CMSS1: variants seen among roughly 807,000 people sequenced by gnomAD.
CMSS1 encodes protein CMSS1.
CMSS1 carries 33 observed loss-of-function variants against 43.5 expected under a neutral mutation model. The observed-to-expected ratio is 0.76, with a 90% CI of 0.57 to 1.01. The LOEUF (loss-of-function observed/expected upper bound fraction) is 1.01, where lower values mean the gene tolerates loss of function less well. CMSS1 is among the 50% of genes least tolerant of loss of function. The pLI, the probability that CMSS1 is intolerant of heterozygous loss-of-function variation, is 0.00. For missense variants in CMSS1, 313 were observed against 326.4 expected (o/e 0.96, Z 0.32); for synonymous variants, 115 against 117.2 (o/e 0.98, Z 0.12).
intron 1 of CMSS1, among the ~76,000 whole-genome samples, chr3:99,926,496 T>A (rs1050187427): frequency 6.6e-6 from 1 of 152,202 alleles, no homozygotes; most frequent in Admixed American, 6.5e-5. Flanking sequence ...TAAGGAAAAT[T>A]CAAATCAACT....
chr3:99,849,884 T>C (rs1367890707), intron 1 of CMSS1: 1 of 1,611,802 alleles, frequency 6.2e-7, no homozygotes, highest in Non-Finnish European at 8.5e-7. Flanking sequence ...TCTTTCTCAA[T>C]TGCTTCCAAT....
At chr3:99,923,745 A>G (rs1236676551) in intron 1 of CMSS1, among the ~76,000 whole-genome samples, 1 of 151,914 alleles carries the variant, frequency 6.6e-6, no homozygotes, top group Admixed American at 6.6e-5. Flanking sequence ...CCCTTTCACA[A>G]TTTTCCATTT....
intron 1 of CMSS1, among the ~76,000 whole-genome samples, chr3:99,996,277 TAAC>T (rs1467978050): frequency 6.6e-6 from 1 of 152,160 alleles, no homozygotes; most frequent in Non-Finnish European, 1.5e-5. Context: ...TGCTAAAACA[TAAC>T]AAGAGTCACC....
intron 1 of CMSS1, among the ~76,000 whole-genome samples, chr3:100,110,636 A>G (rs530565455): frequency 1.3e-5 from 2 of 152,182 alleles, no homozygotes; most frequent in Non-Finnish European, 2.9e-5. Context: ...AGACAATACT[A>G]GCTATGTGGC....
chr3:100,167,716 T>C lies in CMSS1; in HGVS notation c.416-22T>C, dbSNP rs1345918831. 13 of 1,535,916 alleles carry C rather than the reference T, an allele frequency of 8.5e-6. No individual in the cohort carries two copies. The South Asian group carries it at 1.5e-4, about 18-fold the overall frequency. ...CCTGTTTTGCCATATTTCAAATAATTGTTTTCTGTTCTTTTTTCCAGTTTG... is the reference window on the plus strand; with the variant it reads ...CCTGTTTTGCCATATTTCAAATAATCGTTTTCTGTTCTTTTTTCCAGTTTG... On this transcript the variant is annotated intron_variant, in intron 5 of 9. Coordinates refer to ENST00000421999, the MANE Select transcript of CMSS1 (RefSeq NM_032359.4).
At chr3:99,905,029 C>T (rs1257998350) in intron 1 of CMSS1, among the ~76,000 whole-genome samples, 2 of 152,218 alleles carry the variant, frequency 1.3e-5, no homozygotes, top group African/African-American at 4.8e-5. Flanking sequence ...CTGACTTCAT[C>T]CTCTGCCACT....
At position 99,849,759 on chromosome 3, in the gene CMSS1, T is replaced by C. The variant is rs745924720; in HGVS notation, c.64+31716T>C. On this transcript the variant is annotated intron_variant, in intron 1 of 9. Transcript: ENST00000421999. ...CATCCTCAATGGCTTTCATGTCCTT[T>C]AGCTTCAGTTTCAGTCTTTCCACTT... The C allele has an allele frequency of 3.1e-6, 5 of 1,613,716 alleles. No homozygotes were observed. The African/African-American group carries it at 6.7e-5, about 22-fold the overall frequency.
chr3:100,120,631 C>G lies in CMSS1; in HGVS notation c.65-26342C>G, dbSNP rs140955175. ...CTTTAAAGACAAAACGTTGTCCTGT[C>G]TCTGTCGCTCAGGAACTCATAGTCT... On this transcript the variant is annotated intron_variant, in intron 1 of 9. Coordinates refer to ENST00000421999, the MANE Select transcript of CMSS1 (RefSeq NM_032359.4). Among the ~76,000 whole-genome samples the G allele has an allele frequency of 1.1e-4, 17 of 151,438 alleles. 1 individual carries two copies. In the East Asian group the frequency reaches 3.3e-3, roughly 29 times the overall value.
At chr3:99,850,513 T>C (rs1309506622) in intron 1 of CMSS1, 1 of 1,613,182 alleles carries the variant, frequency 6.2e-7, no homozygotes, top group African/African-American at 1.3e-5. Context: ...TTTTATGAGC[T>C]CTTCATCTTT....
intron 1 of CMSS1, among the ~76,000 whole-genome samples, chr3:100,101,818 T>C (rs1328604999): frequency 1.3e-5 from 2 of 152,052 alleles, no homozygotes; most frequent in Non-Finnish European, 2.9e-5. Context: ...CCCCTTCCTG[T>C]GTCCATGTGT....
At chr3:99,932,281 T>A (rs1363728651) in intron 1 of CMSS1, among the ~76,000 whole-genome samples, 1 of 152,196 alleles carries the variant, frequency 6.6e-6, no homozygotes, top group East Asian at 1.9e-4. Flanking sequence ...TATATATTGC[T>A]GAACAATGTA....
At chr3:100,132,065 C>T (rs1367782061) in intron 1 of CMSS1, among the ~76,000 whole-genome samples, 1 of 152,094 alleles carries the variant, frequency 6.6e-6, no homozygotes, top group Non-Finnish European at 1.5e-5. Context: ...TAATTTAAAA[C>T]ATCTGTAAAT....
chr3:100,062,561 G>A (rs1181082397), intron 1 of CMSS1, among the ~76,000 whole-genome samples: 1 of 152,086 alleles, frequency 6.6e-6, no homozygotes, highest in East Asian at 1.9e-4. Context: ...AAGTGCTTCT[G>A]TTTTTTCCAA....
At chr3:100,025,090 C>T (rs1430443469) in intron 1 of CMSS1, among the ~76,000 whole-genome samples, 10 of 152,166 alleles carry the variant, frequency 6.6e-5, no homozygotes, top group Admixed American at 6.5e-4. Context: ...AAAACAGACT[C>T]TTTGTTATTG....
chr3:99,938,738 A>T (rs1385989690), intron 1 of CMSS1, among the ~76,000 whole-genome samples: 2 of 152,196 alleles, frequency 1.3e-5, no homozygotes, highest in African/African-American at 4.8e-5. Flanking sequence ...GGCTATAAAT[A>T]GATGTTAATA....
At chr3:100,082,145 A>AAAAT (rs1254687214) in intron 1 of CMSS1, among the ~76,000 whole-genome samples, 68 of 152,378 alleles carry the variant, frequency 4.5e-4, no homozygotes, top group African/African-American at 1.5e-3. Context: ...AAATACAAAC[A>AAAAT]ACTCTTTATT....
intron 1 of CMSS1, among the ~76,000 whole-genome samples, chr3:99,975,893 T>G (rs1708955194): frequency 6.6e-6 from 1 of 152,168 alleles, no homozygotes. Context: ...AATGTCTCTT[T>G]TTGTTGTTGT....
chr3:100,129,724 T>C (rs147929888), intron 1 of CMSS1, among the ~76,000 whole-genome samples: 1 of 152,330 alleles, frequency 6.6e-6, no homozygotes, highest in African/African-American at 2.4e-5. Context: ...CTTTACACTG[T>C]ATTCAGAGAA....
rs570275880 is a variant in CMSS1 at position 100,081,596 on chromosome 3, T to C, written c.65-65377T>C. Among the ~76,000 whole-genome samples the C allele has an allele frequency of 4.6e-5, 7 of 152,360 alleles. No homozygotes were observed. The South Asian group carries it at 1.2e-3, about 27-fold the overall frequency. ...GTGTAGTTTGGCCTCTGCACCCTAA[T>C]TGTTGCCTCCTTGAAGTCTGCATGC... On this transcript the variant is annotated intron_variant, in intron 1 of 9. Coordinates refer to ENST00000421999, the MANE Select transcript of CMSS1 (RefSeq NM_032359.4).
Sources: allele counts gnomAD v4.1 joint callset (sites outside exome capture counted in the v4.1 genomes callset), GRCh38; gene constraint gnomAD v4.1.1; transcripts MANE v1.5; gene names NCBI Gene and HGNC (gene_info 2026-07-23, HGNC 2026-07-21).